UTRN: variants seen among roughly 807,000 people sequenced by gnomAD.
The protein encoded by UTRN is dystrophin-related protein 1.
In UTRN, 283 loss-of-function variants were observed where a neutral mutation model predicts 463.9. That is an observed-to-expected ratio of 0.61 (90% confidence interval 0.55 to 0.67). The LOEUF (loss-of-function observed/expected upper bound fraction) is 0.67, where lower values mean the gene tolerates loss of function less well. UTRN is among the 30% of genes least tolerant of loss of function. UTRN has a pLI of 0.00. For synonymous variants in UTRN, 1,442 were observed against 1,431.5 expected, an observed-to-expected ratio of 1.01 and a Z score of -0.17; for missense variants, 3,922 against 4,084.3, an observed-to-expected ratio of 0.96 and a Z score of 1.08.
At chr6:144,585,344 C>A in intron 51 of UTRN, among the ~76,000 whole-genome samples, 1 of 152,070 alleles carries the variant, frequency 6.6e-6, no homozygotes. Context: ...TCCACGTATT[C>A]TTTCCCATAT....
At chr6:144,460,723 T>A (rs1789323165) in intron 21 of UTRN, among the ~76,000 whole-genome samples, 2 of 152,220 alleles carry the variant, frequency 1.3e-5, no homozygotes, top group African/African-American at 2.4e-5. Context: ...TCCAGCTGGC[T>A]GTTCAGTCAT....
intron 65 of UTRN, among the ~76,000 whole-genome samples, chr6:144,815,253 A>G (rs1431218391): frequency 6.6e-6 from 1 of 152,248 alleles, no homozygotes; most frequent in African/African-American, 2.4e-5. Flanking sequence ...TAAAATATTT[A>G]TCCTGACTTT....
At chr6:144,380,099 G>A (rs1309405668) in intron 2 of UTRN, among the ~76,000 whole-genome samples, 3 of 152,156 alleles carry the variant, frequency 2.0e-5, no homozygotes, top group Admixed American at 2.0e-4. Flanking sequence ...TTAATTCTAA[G>A]TATGATTGTT....
chr6:144,509,647 A>G (rs1255683089), intron 34 of UTRN, among the ~76,000 whole-genome samples: 1 of 152,178 alleles, frequency 6.6e-6, no homozygotes, highest in African/African-American at 2.4e-5. Flanking sequence ...AGATTTAAGG[A>G]ACATGCAGAT....
chr6:144,516,747 T>G (rs1795645513), intron 38 of UTRN, 64 bp from the exon 39 acceptor site: 1 of 1,310,842 alleles, frequency 7.6e-7, no homozygotes, highest in South Asian at 2.4e-5. Flanking sequence ...CCTTAGGAGT[T>G]GATAGGAAGT....
intron 53 of UTRN, among the ~76,000 whole-genome samples, chr6:144,715,767 A>G (rs555904644): frequency 3.9e-5 from 5 of 129,244 alleles, no homozygotes; most frequent in African/African-American, 6.2e-5. Context: ...CTTATTTTCT[A>G]TGTCTTTTTT....
At chr6:144,302,913 G>A (rs1009085824) in intron 2 of UTRN, among the ~76,000 whole-genome samples, 1 of 152,164 alleles carries the variant, frequency 6.6e-6, no homozygotes, top group South Asian at 2.1e-4. Flanking sequence ...ACTGAGTGTG[G>A]CTGGGGTAAT....
chr6:144,288,577 CTT>C (rs1221423679), intron 1 of UTRN, among the ~76,000 whole-genome samples: 1 of 149,620 alleles, frequency 6.7e-6, no homozygotes, highest in East Asian at 1.9e-4. Flanking sequence ...ATAAAATACA[CTT>C]AAGAATTTAG....
chr6:144,435,830 TA>T, intron 9 of UTRN, 104 bp from the exon 10 acceptor site: 4 of 1,268,248 alleles, frequency 3.2e-6, no homozygotes, highest in Non-Finnish European at 3.3e-6. Context: ...GATTAGTGCC[TA>T]AGACAGAGTG....
rs144902799 is a variant in UTRN, at chr6:144,493,511, ATCTCTCTC to A, written c.4593+64_4593+71del. 6 of 1,385,570 alleles carry A rather than the reference ATCTCTCTC, an allele frequency of 4.3e-6. No homozygotes were observed. The East Asian group carries it at 1.6e-4, about 36-fold the overall frequency. The allele number at this position is 1,385,570 out of a possible 1,614,324, so 85.8% of individuals were successfully genotyped here. ...TCTGTCTCTCTCTCTCTCTCTCTCA[ATCTCTCTC>A]TCTCTCTCGTTCTCTCTCATGTATT... On this transcript the variant is annotated intron_variant, in intron 33 of 74. Coordinates refer to ENST00000367545, the MANE Select transcript of UTRN (RefSeq NM_007124.3).
chr6:144,674,495 A>G (rs2128680715), intron 51 of UTRN, among the ~76,000 whole-genome samples: 1 of 150,694 alleles, frequency 6.6e-6, no homozygotes, highest in Middle Eastern at 3.4e-3. Flanking sequence ...AGAAGTTGTG[A>G]TTGTCTTTTA....
chr6:144,352,546 T>A (rs1778199715), intron 2 of UTRN, among the ~76,000 whole-genome samples: 1 of 152,218 alleles, frequency 6.6e-6, no homozygotes, highest in African/African-American at 2.4e-5. Flanking sequence ...GCCTCCCTCC[T>A]ATGCATTTCT....
At chr6:144,747,403 T>A (rs1790880213) in intron 54 of UTRN, among the ~76,000 whole-genome samples, 1 of 152,170 alleles carries the variant, frequency 6.6e-6, no homozygotes, top group Non-Finnish European at 1.5e-5. Context: ...TCTTGAGAAT[T>A]TCTCCTCAGT....
intron 45 of UTRN, among the ~76,000 whole-genome samples, chr6:144,540,127 A>AT (rs1270409124): frequency 4.6e-5 from 7 of 151,866 alleles, no homozygotes; most frequent in Admixed American, 3.9e-4. Flanking sequence ...ATTTTCAATG[A>AT]TTTTTTTCAT....
At chr6:144,635,124 C>G (rs553318203) in intron 51 of UTRN, among the ~76,000 whole-genome samples, 1 of 148,294 alleles carries the variant, frequency 6.7e-6, no homozygotes, top group East Asian at 2.0e-4. Context: ...TCTAAAACCT[C>G]CAGTTATTTG....
chr6:144,593,246 A>AT (rs1487867739), intron 51 of UTRN, among the ~76,000 whole-genome samples: 1 of 152,198 alleles, frequency 6.6e-6, no homozygotes, highest in Non-Finnish European at 1.5e-5. Flanking sequence ...GAAAGCACAG[A>AT]TTTTTTGAAA....
At chr6:144,376,545 C>G (rs1780482377) in intron 2 of UTRN, among the ~76,000 whole-genome samples, 1 of 152,206 alleles carries the variant, frequency 6.6e-6, no homozygotes, top group African/African-American at 2.4e-5. Context: ...ATCCGCCCTC[C>G]TCGGCCTCCC....
Position 144,479,856 on chromosome 6 carries a change from T to A in UTRN, c.3381T>A (p.Ala1127=). The A allele has an allele frequency of 6.2e-7, 1 of 1,614,114 alleles. No homozygotes were observed. Among genetic ancestry groups the A allele is most frequent in the Non-Finnish European group, 8.5e-7 (1 of 1,180,006 alleles). Residue 1127 remains alanine (A), a synonymous_variant, in exon 26 of 75, where the codon GCT becomes GCA. Transcript: ENST00000367545. ...GGTTGTCTGAAAGTCAAGAAAAAGC[T>A]GCGAACCTGAAGAAAGACTTGGCAG... The part of the protein sequence containing the change: ...KSRLSESQEK[A]ANLKKDLAEM...
At chr6:144,569,214 G>T (rs879635352) in intron 50 of UTRN, among the ~76,000 whole-genome samples, 10 of 149,574 alleles carry the variant, frequency 6.7e-5, no homozygotes, top group Middle Eastern at 6.9e-3. Context: ...TCAAAAATCA[G>T]AATATAAAAT....
Sources: allele counts gnomAD v4.1 joint callset (sites outside exome capture counted in the v4.1 genomes callset), GRCh38; gene constraint gnomAD v4.1.1; transcripts MANE v1.5; gene names NCBI Gene and HGNC (gene_info 2026-07-23, HGNC 2026-07-21).